The following IFT56 variants were observed in gnomAD, a reference collection of about 807,000 sequenced individuals.
IFT56 encodes intraflagellar transport protein 56.
chr7:139,187,081 A>G, the IFT56 span, among the ~76,000 whole-genome samples: 1 of 143,140 alleles, frequency 7.0e-6, no homozygotes, highest in Non-Finnish European at 1.5e-5. Flanking sequence ...GGCCTGGGCG[A>G]CAGAGCGAGA....
At chr7:139,135,683 A>G in the IFT56 span, among the ~76,000 whole-genome samples, 4 of 152,128 alleles carry the variant, frequency 2.6e-5, no homozygotes, top group Non-Finnish European at 5.9e-5. Flanking sequence ...TCTGATGGAG[A>G]TGGTCCCAGG....
the IFT56 span, chr7:139,178,268 T>G: frequency 6.2e-7 from 1 of 1,614,048 alleles, no homozygotes; most frequent in South Asian, 1.1e-5. Context: ...CTTAAGCAAT[T>G]TGATGATGTT....
the IFT56 span, among the ~76,000 whole-genome samples, chr7:139,162,157 CAAG>C: frequency 6.6e-6 from 1 of 152,130 alleles, no homozygotes. Context: ...AAAGGGCAAA[CAAG>C]AAGAAGCATC....
chr7:139,176,308 A>G, the IFT56 span, among the ~76,000 whole-genome samples: 1 of 152,132 alleles, frequency 6.6e-6, no homozygotes, highest in Non-Finnish European at 1.5e-5. Flanking sequence ...ATCAAAATAT[A>G]CTGGATATCC....
At chr7:139,139,092 G>T in the IFT56 span, among the ~76,000 whole-genome samples, 5 of 152,276 alleles carry the variant, frequency 3.3e-5, no homozygotes, top group Admixed American at 2.6e-4. Flanking sequence ...GATTACAGGC[G>T]TGAGCCACTG....
At chr7:139,148,285 G>A in the IFT56 span, 6 of 1,613,872 alleles carry the variant, frequency 3.7e-6, no homozygotes, top group Admixed American at 5.0e-5. Context: ...AGAAGTTTTG[G>A]CTGTTTACCT....
At chr7:139,179,031 A>G in the IFT56 span, among the ~76,000 whole-genome samples, 1 of 152,236 alleles carries the variant, frequency 6.6e-6, no homozygotes, top group South Asian at 2.1e-4. Context: ...CAGCTTGATG[A>G]CTATCAGTAT....
At chr7:139,134,081 G>A in the IFT56 span, among the ~76,000 whole-genome samples, 1 of 152,154 alleles carries the variant, frequency 6.6e-6, no homozygotes, top group South Asian at 2.1e-4. Context: ...CTCGTGGGAT[G>A]GGAAGCAGAG....
chr7:139,178,081 T>C, the IFT56 span: 4 of 672,282 alleles, frequency 5.9e-6, no homozygotes, highest in Admixed American at 2.8e-5. Context: ...CTGAAGAAAA[T>C]GTATAATGTC....
At chr7:139,191,466 C>T in the IFT56 span, 1 of 152,124 alleles carries the variant, frequency 6.6e-6, no homozygotes, top group Admixed American at 6.5e-5. Flanking sequence ...CAGTGAATTG[C>T]TATTATTTTC....
chr7:139,172,839 C>CA, the IFT56 span: 1 of 672,582 alleles, frequency 1.5e-6, no homozygotes, highest in Non-Finnish European at 2.9e-6. Context: ...AGCCAGCGAA[C>CA]ACTGTACTTC....
At chr7:139,172,961 G>A in the IFT56 span, 5 of 727,568 alleles carry the variant, frequency 6.9e-6, no homozygotes, top group East Asian at 2.7e-5. Flanking sequence ...TCCTGCTGCT[G>A]GCGCTTGGGC....
At chr7:139,160,975 G>T in the IFT56 span, 2 of 1,613,518 alleles carry the variant, frequency 1.2e-6, no homozygotes, top group East Asian at 2.2e-5. Flanking sequence ...GATGGACAAT[G>T]CTTCTTCATC....
chr7:139,178,449 G>T, the IFT56 span: 128 of 1,503,590 alleles, frequency 8.5e-5, no homozygotes, highest in Middle Eastern at 1.7e-4. Flanking sequence ...TGTTTATCTG[G>T]TATAACTGAT....
chr7:139,153,446 CAA>C, the IFT56 span, among the ~76,000 whole-genome samples: 2 of 138,262 alleles, frequency 1.4e-5, no homozygotes, highest in African/African-American at 2.6e-5. Flanking sequence ...TACTCCGTCT[CAA>C]AAAAAAAAAA....
At chr7:139,137,988 TA>T in the IFT56 span, 1 of 1,099,050 alleles carries the variant, frequency 9.1e-7, no homozygotes, top group Non-Finnish European at 1.4e-6. Flanking sequence ...TTTAAAATGT[TA>T]TTAAACTTTA....
At chr7:139,171,847 A>G in the IFT56 span, among the ~76,000 whole-genome samples, 1 of 152,216 alleles carries the variant, frequency 6.6e-6, no homozygotes, top group African/African-American at 2.4e-5. Context: ...CTTTATTTAG[A>G]TCACCAAAAC....
At chr7:139,148,322 C>T in the IFT56 span, 1 of 1,614,026 alleles carries the variant, frequency 6.2e-7, no homozygotes, top group South Asian at 1.1e-5. Flanking sequence ...AGTACCATCG[C>T]ACTCAATCTT....
At chr7:139,155,791 T>C in the IFT56 span, among the ~76,000 whole-genome samples, 1 of 152,164 alleles carries the variant, frequency 6.6e-6, no homozygotes, top group African/African-American at 2.4e-5. Context: ...AGCCACATAG[T>C]ATAAGGGGAA....
Sources: allele counts gnomAD v4.1 joint callset (sites outside exome capture counted in the v4.1 genomes callset), GRCh38; gene constraint gnomAD v4.1.1; transcripts MANE v1.5; gene names NCBI Gene and HGNC (gene_info 2026-07-23, HGNC 2026-07-21).